Variants in ROBO2 observed in about 807,000 individuals in gnomAD.
ROBO2 encodes roundabout homolog 2.
A neutral mutation model predicts 160.8 loss-of-function variants in ROBO2; 53 were observed. The observed-to-expected ratio is 0.33, with a 90% CI of 0.26 to 0.41. The LOEUF (loss-of-function observed/expected upper bound fraction) is 0.41, where lower values mean the gene tolerates loss of function less well. Ranked by LOEUF, ROBO2 falls within the 10% of genes least tolerant of loss-of-function variation. The pLI, the probability that ROBO2 is intolerant of heterozygous loss-of-function variation, is 1.00. For synonymous variants in ROBO2, 664 were observed against 611.7 expected (o/e 1.09, Z -1.26); for missense variants, 1,577 against 1,722.4 (o/e 0.92, Z 1.49).
intron 2 of ROBO2, among the ~76,000 whole-genome samples, chr3:77,307,776 G>A (rs1030254528): frequency 3.9e-5 from 6 of 152,034 alleles, no homozygotes; most frequent in African/African-American, 1.4e-4. Context: ...CCAGCTACTC[G>A]GGAGGCTAAG....
intron 2 of ROBO2, among the ~76,000 whole-genome samples, chr3:76,701,715 G>A (rs530944858): frequency 1.1e-4 from 17 of 151,992 alleles, no homozygotes; most frequent in African/African-American, 4.1e-4. Flanking sequence ...TAGATTAAAA[G>A]CAATTTCTTT....
At chr3:76,231,405 G>A (rs1453209631) in intron 2 of ROBO2, among the ~76,000 whole-genome samples, 1 of 152,018 alleles carries the variant, frequency 6.6e-6, no homozygotes, top group Non-Finnish European at 1.5e-5. Context: ...TTCCTCTGTA[G>A]TCCTTCATCT....
chr3:76,023,026 C>T (rs73841080), intron 2 of ROBO2, among the ~76,000 whole-genome samples: 1,989 of 151,820 alleles, frequency 0.013, 33 homozygotes, highest in African/African-American at 0.045. Flanking sequence ...ACTAGTTCAC[C>T]TTGCACTTTT....
intron 20 of ROBO2, among the ~76,000 whole-genome samples, chr3:77,606,159 G>A (rs1052382323): frequency 6.6e-6 from 1 of 152,122 alleles, no homozygotes; most frequent in Non-Finnish European, 1.5e-5. Flanking sequence ...GAAGTTGGGA[G>A]TAAAGAAAGC....
chr3:76,946,891 G>A (rs560767484), intron 2 of ROBO2, among the ~76,000 whole-genome samples: 502 of 152,284 alleles, frequency 3.3e-3, no homozygotes, highest in Admixed American at 5.3e-3. Context: ...GACAAAGATA[G>A]GGCTAATTTT....
intron 2 of ROBO2, among the ~76,000 whole-genome samples, chr3:76,110,094 T>C (rs1345857915): frequency 1.3e-5 from 2 of 151,578 alleles, no homozygotes; most frequent in Non-Finnish European, 2.9e-5. Context: ...ATTCCATCTG[T>C]CTTAAACTAG....
intron 2 of ROBO2, among the ~76,000 whole-genome samples, chr3:76,485,479 G>T (rs1427618141): frequency 6.6e-6 from 1 of 152,098 alleles, no homozygotes; most frequent in African/African-American, 2.4e-5. Context: ...GTGTGGCCCG[G>T]TTCCTAACAG....
At chr3:76,657,300 C>T (rs967252744) in intron 2 of ROBO2, among the ~76,000 whole-genome samples, 2 of 151,910 alleles carry the variant, frequency 1.3e-5, no homozygotes, top group Non-Finnish European at 2.9e-5. Context: ...TGGCGGGCGC[C>T]TGTAGTCCCA....
chr3:77,335,279 T>C (rs2066376464), intron 2 of ROBO2, among the ~76,000 whole-genome samples: 1 of 152,102 alleles, frequency 6.6e-6, no homozygotes, highest in African/African-American at 2.4e-5. Context: ...CGCTGATGCA[T>C]ACTTGTAATC....
intron 2 of ROBO2, among the ~76,000 whole-genome samples, chr3:76,022,036 TTTG>T (rs1442786806): frequency 6.6e-6 from 1 of 151,848 alleles, no homozygotes; most frequent in African/African-American, 2.4e-5. Context: ...TTCTAAATTC[TTTG>T]TTGTTATTTC....
chr3:76,550,566 G>T (rs1357072083), intron 2 of ROBO2, among the ~76,000 whole-genome samples: 1 of 152,176 alleles, frequency 6.6e-6, no homozygotes, highest in African/African-American at 2.4e-5. Context: ...AGTTGGTGGG[G>T]TAGAAGCCCC....
chr3:75,924,867 T>G (rs1408739814), intron 1 of ROBO2, among the ~76,000 whole-genome samples: 2 of 151,562 alleles, frequency 1.3e-5, no homozygotes, highest in Admixed American at 6.6e-5. Context: ...TTTTTGTATT[T>G]TTAGTAGAGA....
chr3:77,302,547 C>A (rs568913208), intron 2 of ROBO2, among the ~76,000 whole-genome samples: 1 of 151,974 alleles, frequency 6.6e-6, no homozygotes, highest in African/African-American at 2.4e-5. Flanking sequence ...AATTAATATG[C>A]GTTCTTGGCT....
intron 2 of ROBO2, among the ~76,000 whole-genome samples, chr3:76,488,785 G>A (rs2079641164): frequency 6.6e-6 from 1 of 152,048 alleles, no homozygotes; most frequent in Non-Finnish European, 1.5e-5. Flanking sequence ...GGTGTGTCAG[G>A]AATTTGCCTT....
chr3:77,266,404 T>G (rs761779114), intron 2 of ROBO2, among the ~76,000 whole-genome samples: 1 of 152,102 alleles, frequency 6.6e-6, no homozygotes, highest in Non-Finnish European at 1.5e-5. Flanking sequence ...CTTCTAGAAC[T>G]GTACTACTGC....
intron 2 of ROBO2, among the ~76,000 whole-genome samples, chr3:76,102,228 C>A (rs916063175): frequency 1.3e-5 from 2 of 152,154 alleles, no homozygotes; most frequent in East Asian, 1.9e-4. Flanking sequence ...TGAAGACTTG[C>A]GTGGAAACAA....
chr3:75,925,375 A>G (rs1947252430), intron 1 of ROBO2, among the ~76,000 whole-genome samples: 1 of 152,084 alleles, frequency 6.6e-6, no homozygotes, highest in African/African-American at 2.4e-5. Context: ...GGGTAACAGA[A>G]TGAGACCCTG....
chr3:77,621,317 T>C (rs2094895180), intron 22 of ROBO2, among the ~76,000 whole-genome samples: 1 of 151,986 alleles, frequency 6.6e-6, no homozygotes, highest in South Asian at 2.1e-4. Flanking sequence ...TGCCAGCTAC[T>C]TGGGAGACCA....
intron 2 of ROBO2, among the ~76,000 whole-genome samples, chr3:76,472,101 G>A (rs1037926428): frequency 2.1e-5 from 2 of 95,920 alleles, no homozygotes; most frequent in Non-Finnish European, 4.6e-5. Context: ...GTGTGTGTGT[G>A]CGCGTGTGCG....
Sources: allele counts gnomAD v4.1 joint callset (sites outside exome capture counted in the v4.1 genomes callset), GRCh38; gene constraint gnomAD v4.1.1; transcripts MANE v1.5; gene names NCBI Gene and HGNC (gene_info 2026-07-23, HGNC 2026-07-21).